SKAP1: variants seen among roughly 807,000 people sequenced by gnomAD.
SKAP1 encodes src kinase associated phosphoprotein 1, also known as src kinase-associated phosphoprotein 1.
Under a neutral mutation model 58.5 loss-of-function variants are expected in SKAP1, and 44 were observed. That is an observed-to-expected ratio of 0.75 (90% CI 0.59 to 0.97). The LOEUF (loss-of-function observed/expected upper bound fraction) is 0.97, where lower values mean the gene tolerates loss of function less well. SKAP1 is among the 50% of genes least tolerant of loss of function. The probability of loss-of-function intolerance (pLI) is 0.00; values close to 1 mark genes in which losing one functional copy is unlikely to be tolerated. For missense variants in SKAP1, 390 were observed against 435.2 expected (o/e 0.90, Z 0.92); for synonymous variants, 127 against 149.7 (o/e 0.85, Z 1.11).
intron 9 of SKAP1, among the ~76,000 whole-genome samples, chr17:48,172,509 G>A (rs208016): frequency 0.019 from 2,830 of 152,174 alleles, 42 homozygotes; most frequent in Non-Finnish European, 0.03. Context: ...AAATACACTC[G>A]TTATTCTTTT....
intron 2 of SKAP1, among the ~76,000 whole-genome samples, chr17:48,371,119 G>A (rs1430949543): frequency 6.6e-6 from 1 of 151,996 alleles, no homozygotes; most frequent in African/African-American, 2.4e-5. Flanking sequence ...TAGATACTAG[G>A]GACTAATAGA....
chr17:48,168,582 G>C (rs910626342), intron 10 of SKAP1, among the ~76,000 whole-genome samples: 3 of 152,176 alleles, frequency 2.0e-5, no homozygotes, highest in African/African-American at 7.2e-5. Flanking sequence ...ACTTGAACCT[G>C]GGAGGCAGAG....
chr17:48,333,036 C>T (rs1181545973), intron 4 of SKAP1, among the ~76,000 whole-genome samples: 1 of 152,074 alleles, frequency 6.6e-6, no homozygotes, highest in East Asian at 1.9e-4. Context: ...AGTTGTGAAA[C>T]CTTTTACCTA....
At chr17:48,376,562 TA>T (rs35583740) in intron 2 of SKAP1, among the ~76,000 whole-genome samples, 1 of 152,234 alleles carries the variant, frequency 6.6e-6, no homozygotes, top group Non-Finnish European at 1.5e-5. Context: ...AAATGTTATG[TA>T]AAAAATTTTT....
At chr17:48,287,214 CAG>C (rs2065842258) in intron 4 of SKAP1, among the ~76,000 whole-genome samples, 1 of 152,046 alleles carries the variant, frequency 6.6e-6, no homozygotes, top group African/African-American at 2.4e-5. Flanking sequence ...AGCTAGAACA[CAG>C]GAGTGACTCT....
intron 4 of SKAP1, among the ~76,000 whole-genome samples, chr17:48,242,949 A>G (rs1461138028): frequency 6.6e-6 from 1 of 152,230 alleles, no homozygotes; most frequent in Non-Finnish European, 1.5e-5. Flanking sequence ...AAAGTTCTGT[A>G]AAAATCAAGA....
intron 4 of SKAP1, among the ~76,000 whole-genome samples, chr17:48,218,028 G>T (rs536737422): frequency 1.3e-5 from 2 of 152,364 alleles, no homozygotes; most frequent in South Asian, 4.1e-4. Context: ...TCATAGAGAA[G>T]GAGGAAGGTA....
At chr17:48,393,776 G>A (rs954054649) in intron 2 of SKAP1, among the ~76,000 whole-genome samples, 1 of 152,002 alleles carries the variant, frequency 6.6e-6, no homozygotes, top group Non-Finnish European at 1.5e-5. Context: ...ATATATATGT[G>A]TGTGTAAATA....
At chr17:48,342,088 T>C (rs1322533020) in intron 4 of SKAP1, among the ~76,000 whole-genome samples, 2 of 152,244 alleles carry the variant, frequency 1.3e-5, no homozygotes, top group African/African-American at 4.8e-5. Flanking sequence ...ATTTGGACGC[T>C]GAAAACAATC....
intron 1 of SKAP1, among the ~76,000 whole-genome samples, chr17:48,410,922 G>GAGAC (rs533131767): frequency 8.2e-4 from 82 of 99,920 alleles, no homozygotes; most frequent in African/African-American, 3.4e-3. Context: ...GCGACAGAGC[G>GAGAC]AGACTCCATT....
intron 4 of SKAP1, among the ~76,000 whole-genome samples, chr17:48,272,059 G>A (rs558134160): frequency 2.0e-5 from 3 of 151,948 alleles, no homozygotes; most frequent in Non-Finnish European, 4.4e-5. Flanking sequence ...TATGTACTTC[G>A]GCTATTTAAT....
intron 1 of SKAP1, among the ~76,000 whole-genome samples, chr17:48,421,622 A>G (rs1482492446): frequency 6.6e-6 from 1 of 152,128 alleles, no homozygotes; most frequent in Non-Finnish European, 1.5e-5. Flanking sequence ...AGGGTATTCT[A>G]TAACAAGGCA....
chr17:48,356,786 T>C (rs1309327894), intron 3 of SKAP1, among the ~76,000 whole-genome samples: 1 of 152,134 alleles, frequency 6.6e-6, no homozygotes, highest in East Asian at 1.9e-4. Flanking sequence ...TATTCTCTCT[T>C]TCATTCATAT....
intron 9 of SKAP1, among the ~76,000 whole-genome samples, chr17:48,177,118 T>C (rs561249925): frequency 6.6e-6 from 1 of 152,274 alleles, no homozygotes; most frequent in African/African-American, 2.4e-5. Flanking sequence ...CCTGGCCTCG[T>C]AGTCAAAATG....
chr17:48,258,571 G>C (rs562380372), intron 4 of SKAP1, among the ~76,000 whole-genome samples: 2 of 152,174 alleles, frequency 1.3e-5, no homozygotes, highest in South Asian at 4.1e-4. Flanking sequence ...ATGACTTGCA[G>C]TTTCTCTAGA....
intron 4 of SKAP1, among the ~76,000 whole-genome samples, chr17:48,338,602 G>A (rs1455873340): frequency 6.6e-6 from 1 of 152,140 alleles, no homozygotes; most frequent in Non-Finnish European, 1.5e-5. Context: ...TTGTTTTAGT[G>A]AAAGAAGCAT....
At chr17:48,394,663 A>C (rs1328747018) in intron 2 of SKAP1, among the ~76,000 whole-genome samples, 1 of 152,188 alleles carries the variant, frequency 6.6e-6, no homozygotes, top group African/African-American at 2.4e-5. Context: ...TTAACTCTCA[A>C]GTTTGATGAC....
intron 4 of SKAP1, among the ~76,000 whole-genome samples, chr17:48,326,015 A>ACAT (rs544044792): frequency 3.0e-3 from 462 of 152,364 alleles, no homozygotes; most frequent in African/African-American, 0.01. Context: ...ATGTACACAC[A>ACAT]CATCATCATC....
At chr17:48,257,685 A>T in intron 4 of SKAP1, among the ~76,000 whole-genome samples, 1 of 135,640 alleles carries the variant, frequency 7.4e-6, no homozygotes, top group Non-Finnish European at 1.5e-5. Context: ...TGGTGCCTGA[A>T]TTTGAGGGTC....
Sources: allele counts gnomAD v4.1 joint callset (sites outside exome capture counted in the v4.1 genomes callset), GRCh38; gene constraint gnomAD v4.1.1; transcripts MANE v1.5; gene names NCBI Gene and HGNC (gene_info 2026-07-23, HGNC 2026-07-21).